Variants in MEOX1 observed in about 807,000 individuals in gnomAD.
MEOX1 encodes the protein homeobox protein MOX-1.
In MEOX1, 17 loss-of-function variants were observed where a neutral mutation model predicts 23.2. The ratio of observed to expected loss-of-function variants is 0.73; its 90% CI spans 0.50 to 1.10. MEOX1 has a LOEUF of 1.10. Ranked by LOEUF, MEOX1 falls within the 50% of genes least tolerant of loss-of-function variation. The pLI, the probability that MEOX1 is intolerant of heterozygous loss-of-function variation, is 0.00. For missense variants in MEOX1, 333 were observed against 332.2 expected (o/e 1.00, Z -0.02); for synonymous variants, 134 against 135.1 (o/e 0.99, Z 0.06).
intron 1 of MEOX1, among the ~76,000 whole-genome samples, chr17:43,648,781 G>A (rs368048736): frequency 3.3e-5 from 5 of 152,268 alleles, no homozygotes; most frequent in East Asian, 3.9e-4. Flanking sequence ...CCTCCCTTCA[G>A]TCAGATCTGA....
At chr17:43,654,680 AT>A (rs1567747103) in intron 1 of MEOX1, among the ~76,000 whole-genome samples, 1 of 152,128 alleles carries the variant, frequency 6.6e-6, no homozygotes, top group South Asian at 2.1e-4. Context: ...ATAATAAATA[AT>A]TTTTTTGGAA....
In MEOX1 at chr17:43,661,596, A is replaced by G. The variant is rs765051771; in HGVS notation, c.-62T>C. The stretch of plus-strand genomic sequence containing the variant: ...TTGATTCTTTATACTTTTTATGTTC[A>G]AATTTTTAAAAATGCAAAAGAAAAA... On this transcript the variant is annotated 5_prime_UTR_variant, in exon 1 of 3. Transcript: ENST00000318579. The G allele has an allele frequency of 5.0e-5, 49 of 981,640 alleles. No individual in the cohort carries two copies. The highest frequency in any genetic ancestry group is 1.3e-4 in the Admixed American group (3 of 23,958). 60.8% of individuals were successfully genotyped at this position (981,640 alleles called of 1,614,324 possible). A position where few individuals can be genotyped will look rare whatever the true frequency, so the allele number is the denominator to read the frequency against.
At chr17:43,642,251 C>T (rs1044626659) in intron 2 of MEOX1, among the ~76,000 whole-genome samples, 3 of 152,162 alleles carry the variant, frequency 2.0e-5, no homozygotes, top group Non-Finnish European at 2.9e-5. Context: ...AAGCCCCAGA[C>T]GGGGGAACAT....
intron 1 of MEOX1, among the ~76,000 whole-genome samples, chr17:43,645,171 CTTTTTTT>C (rs869205502): frequency 3.5e-4 from 35 of 99,782 alleles, no homozygotes; most frequent in African/African-American, 1.3e-3. Flanking sequence ...CATTAATTAT[CTTTTTTT>C]TTTTTTTTTT....
chr17:43,643,264 G>A (rs766772003), intron 2 of MEOX1, among the ~76,000 whole-genome samples: 5 of 152,164 alleles, frequency 3.3e-5, no homozygotes, highest in Non-Finnish European at 5.9e-5. Flanking sequence ...GTAAGATCGC[G>A]CCACTGCACT....
In MEOX1 at chr17:43,661,504, T is replaced by G; in HGVS notation, c.31A>C (p.Ser11Arg). The G allele has an allele frequency of 6.3e-7, 1 of 1,585,894 alleles. No individual in the cohort carries two copies. Among genetic ancestry groups the G allele is most frequent in the South Asian group, 1.1e-5 (1 of 88,050 alleles). Residue 11 changes from serine (S) to arginine (R), a missense_variant, in exon 1 of 3, where the codon AGC (serine) becomes CGC (arginine). By Grantham distance (110) the Ser-to-Arg change is moderately radical. Transcript: ENST00000318579. Reference protein sequence around the residue: MDPAASSCMRSLQPPAPVWGC... With the variant: MDPAASSCMRRLQPPAPVWGC... Reference sequence around the variant, plus strand: ...CAGACAGGGGCTGGGGGCTGGAGGCTCCTCATGCAGCTGCTGGCCGCGGGA... The same window carrying G: ...CAGACAGGGGCTGGGGGCTGGAGGCGCCTCATGCAGCTGCTGGCCGCGGGA...
intron 1 of MEOX1, among the ~76,000 whole-genome samples, chr17:43,652,624 A>G (rs1024891183): frequency 1.3e-5 from 2 of 152,120 alleles, no homozygotes; most frequent in South Asian, 2.1e-4. Flanking sequence ...GAAGTTGTGG[A>G]TCAGGGACCT....
chr17:43,652,854 C>T (rs1466654624), intron 1 of MEOX1, among the ~76,000 whole-genome samples: 4 of 104,658 alleles, frequency 3.8e-5, no homozygotes, highest in East Asian at 3.4e-4. Flanking sequence ...TTTTTTGAGA[C>T]GGAGTCTCAC....
rs576216442 is a variant in MEOX1 at position 43,651,936 on chromosome 17, T to C, written c.470-8276A>G. Among the ~76,000 whole-genome samples, 16 of 152,282 alleles carry C rather than the reference T, an allele frequency of 1.1e-4. No individual in the cohort carries two copies. In the South Asian group the frequency reaches 3.1e-3, roughly 30 times the overall value. ...TCCTGCTGCCTCAGCAGAAACGGACTTTCTCCAGAGTTTCCGACTATACCT... is the reference window on the plus strand; with the variant it reads ...TCCTGCTGCCTCAGCAGAAACGGACCTTCTCCAGAGTTTCCGACTATACCT... On this transcript the variant is annotated intron_variant, in intron 1 of 2. Coordinates refer to ENST00000318579, the MANE Select transcript of MEOX1 (RefSeq NM_004527.4).
intron 1 of MEOX1, among the ~76,000 whole-genome samples, chr17:43,658,716 C>T (rs1973086133): frequency 6.6e-6 from 1 of 152,168 alleles, no homozygotes; most frequent in African/African-American, 2.4e-5. Context: ...CCTTGCGTCA[C>T]TTTCCCCCTT....
rs777576407 is a variant in MEOX1, at chr17:43,643,602, C to T, written c.528G>A (p.Thr176=). ...CTCGCAGCTGCTCCTTGGTGAAGGC[C>T]GTCCTCTCCTTGCGGGCTTTGCTGC... The part of the protein sequence containing the change: ...EGSSKARKER[T]AFTKEQLREL... The change falls in exon 2 of 3, where the codon ACG becomes ACA. Residue 176 remains threonine, a synonymous_variant. Transcript: ENST00000318579. 8 of 1,613,276 alleles carry T rather than the reference C, an allele frequency of 5.0e-6. No homozygotes were observed. The highest frequency in any genetic ancestry group is 1.7e-5 in the Admixed American group (1 of 59,902).
Position 43,641,724 on chromosome 17 carries a change from G to T in MEOX1, c.*186C>A. On this transcript the variant is annotated 3_prime_UTR_variant, in exon 3 of 3. Coordinates refer to ENST00000318579, the MANE Select transcript of MEOX1 (RefSeq NM_004527.4). Reference sequence around the variant, plus strand: ...GCCCTAGGGAAGAGGCTGCTAAGAGGCTGGACAGAACTTCCTAGAAAATCC... The same window carrying T: ...GCCCTAGGGAAGAGGCTGCTAAGAGTCTGGACAGAACTTCCTAGAAAATCC... 1 of 591,886 alleles carries T rather than the reference G, an allele frequency of 1.7e-6. No homozygotes were observed. Among genetic ancestry groups the T allele is most frequent in the Non-Finnish European group, 2.9e-6 (1 of 344,120 alleles). The allele number at this position is 591,886 out of a possible 1,614,324, so 36.7% of individuals were successfully genotyped here.
chr17:43,661,004 G>T, intron 1 of MEOX1, 62 bp downstream of exon 1: 1 of 1,095,820 alleles, frequency 9.1e-7, no homozygotes. Flanking sequence ...GCACAGAGAG[G>T]GTGAGTAACT....
chr17:43,658,396 A>ATAAT (rs1390366912), intron 1 of MEOX1, among the ~76,000 whole-genome samples: 1 of 151,824 alleles, frequency 6.6e-6, no homozygotes, highest in African/African-American at 2.4e-5. Context: ...AATCCCAGCT[A>ATAAT]CTCAGGAGGC....
intron 1 of MEOX1, among the ~76,000 whole-genome samples, chr17:43,645,430 G>A (rs1228759942): frequency 6.6e-6 from 1 of 152,102 alleles, no homozygotes; most frequent in African/African-American, 2.4e-5. Context: ...GCCCGCCTTG[G>A]CCTCCCAAAG....
At chr17:43,649,276 G>A (rs1972867611) in intron 1 of MEOX1, among the ~76,000 whole-genome samples, 1 of 144,226 alleles carries the variant, frequency 6.9e-6, no homozygotes, top group African/African-American at 2.5e-5. Context: ...TCTTTTAAAT[G>A]TCTGGCCTTT....
At chr17:43,649,331 T>G (rs572988595) in intron 1 of MEOX1, among the ~76,000 whole-genome samples, 120 of 143,132 alleles carry the variant, frequency 8.4e-4, no homozygotes, top group East Asian at 6.7e-3. Context: ...GAGTCTCACT[T>G]TGGTCACCCA....
intron 1 of MEOX1, among the ~76,000 whole-genome samples, chr17:43,650,573 A>G (rs1322033162): frequency 1.3e-5 from 2 of 152,164 alleles, no homozygotes; most frequent in Admixed American, 6.5e-5. Context: ...TCTTAGGGAC[A>G]TTGTCTGAGT....
Position 43,643,537 on chromosome 17 carries a change from C to T in MEOX1, c.593G>A (p.Arg198Gln), listed in dbSNP as rs745469637. 9 of 1,608,728 alleles carry T rather than the reference C, an allele frequency of 5.6e-6. No individual in the cohort carries two copies. Among genetic ancestry groups the T allele is most frequent in the African/African-American group, 1.3e-5 (1 of 74,868 alleles). ...TACCGCAATCTCATATCTGCGGAGC[C>T]GAGTCAGGTAGTTATGATGGGCAAA... The part of the protein sequence containing the change: ...AEFAHHNYLT[R>Q]LRRYEIAVNL... Residue 198 changes from arginine (R) to glutamine (Q), a missense_variant, in exon 2 of 3, where the codon CGG becomes CAG. By Grantham distance (43) the Arg-to-Gln change is conservative. Transcript: ENST00000318579.
Sources: allele counts gnomAD v4.1 joint callset (sites outside exome capture counted in the v4.1 genomes callset), GRCh38; gene constraint gnomAD v4.1.1; transcripts MANE v1.5; gene names NCBI Gene and HGNC (gene_info 2026-07-23, HGNC 2026-07-21).